PCDHGB3: variants seen among roughly 807,000 people sequenced by gnomAD.
PCDHGB3 encodes protocadherin gamma-B3.
In PCDHGB3, 40 loss-of-function variants were observed where a neutral mutation model predicts 59.2. That is an observed-to-expected ratio of 0.68 (90% CI 0.52 to 0.88). The LOEUF is 0.88. Ranked by LOEUF, PCDHGB3 falls within the 40% of genes least tolerant of loss-of-function variation. The pLI is 0.00. For synonymous variants in PCDHGB3, 581 were observed against 503.6 expected (o/e 1.15, Z -2.06); for missense variants, 1,309 against 1,187.9 (o/e 1.10, Z -1.50).
chr5:141,408,609 AG>A, intron 1 of PCDHGB3: 3 of 1,614,088 alleles, frequency 1.9e-6, no homozygotes, highest in Non-Finnish European at 1.7e-6. Context: ...TTTGATAAAA[AG>A]GAAATACATT....
chr5:141,383,400 C>G (rs999894916), intron 1 of PCDHGB3: 4 of 1,614,020 alleles, frequency 2.5e-6, no homozygotes, highest in Non-Finnish European at 1.7e-6. Context: ...CGAACTCCCT[C>G]CAGAGTTACC....
Position 141,383,339 on chromosome 5 carries a change from C to T in PCDHGB3, c.2415+10530C>T, listed in dbSNP as rs1244023518. ...AATGTAAAAATAATGGAGAATACAG[C>T]TCCTGGGGTTCGGTTTCCGTTAAGC... On this transcript the variant is annotated intron_variant, in intron 1 of 3. Transcript: ENST00000576222. The T allele has an allele frequency of 3.7e-6, 6 of 1,614,014 alleles. No homozygotes were observed. The highest frequency in any genetic ancestry group is 3.3e-5 in the Admixed American group (2 of 60,036).
rs1205836590 is a variant in PCDHGB3 at position 141,476,270 on chromosome 5, G to A, written c.2416-18537G>A. The A allele has an allele frequency of 6.2e-7, 1 of 1,614,088 alleles. No individual in the cohort carries two copies. Among genetic ancestry groups the A allele is most frequent in the Admixed American group, 1.7e-5 (1 of 60,026 alleles). Reference sequence around the variant, plus strand: ...GGGTTTCGCTGTGGGCAACGTGGTCGCGAACCTTGGTTTGGATCTCGGTAG... The same window carrying A: ...GGGTTTCGCTGTGGGCAACGTGGTCACGAACCTTGGTTTGGATCTCGGTAG... On this transcript the variant is annotated intron_variant, in intron 1 of 3. Transcript: ENST00000576222. The surrounding 1 kb of genome is among the most constrained non-coding windows in gnomAD (Gnocchi z 7.6).
intron 1 of PCDHGB3, chr5:141,409,177 T>C: frequency 3.1e-6 from 5 of 1,613,944 alleles, no homozygotes; most frequent in Non-Finnish European, 4.2e-6. Context: ...AGGACGGAGG[T>C]GGTCTCTCTA....
chr5:141,475,616 G>A (rs2099366026), intron 1 of PCDHGB3, among the ~76,000 whole-genome samples: 1 of 152,206 alleles, frequency 6.6e-6, no homozygotes, highest in Admixed American at 6.5e-5. Flanking sequence ...GTAGTTTTCG[G>A]TTTGGTTCGA....
chr5:141,484,277 G>T (rs1026083889), intron 1 of PCDHGB3, among the ~76,000 whole-genome samples: 1 of 152,126 alleles, frequency 6.6e-6, no homozygotes, highest in South Asian at 2.1e-4. Context: ...TTACTGTTTT[G>T]AAACATCTCC....
chr5:141,505,267 A>G (rs2099845018), intron 2 of PCDHGB3, 126 bp from the exon 3 acceptor site: 1 of 1,514,640 alleles, frequency 6.6e-7, no homozygotes, highest in Admixed American at 2.0e-5. Flanking sequence ...TACCTTGCTG[A>G]GAGAAACAGG....
chr5:141,382,777 C>T (rs1778426057), intron 1 of PCDHGB3: 3 of 822,272 alleles, frequency 3.6e-6, no homozygotes, highest in South Asian at 2.0e-5. Flanking sequence ...CTGCACTAAA[C>T]TCAAGCCTCT....
chr5:141,498,437 G>C (rs996627716), intron 2 of PCDHGB3, among the ~76,000 whole-genome samples: 1 of 152,170 alleles, frequency 6.6e-6, no homozygotes, highest in Non-Finnish European at 1.5e-5. Flanking sequence ...GGGATGAAGA[G>C]GAGAGGTTCC....
intron 1 of PCDHGB3, among the ~76,000 whole-genome samples, chr5:141,397,036 T>G (rs2093467467): frequency 2.0e-5 from 3 of 152,222 alleles, no homozygotes. Context: ...TGTCCACAAA[T>G]TTATGTAAAT....
chr5:141,395,341 G>C, intron 1 of PCDHGB3: 1 of 1,409,696 alleles, frequency 7.1e-7, no homozygotes. Context: ...AATTTTTAAG[G>C]TGTATCACAG....
chr5:141,438,789 G>C (rs970735448), intron 1 of PCDHGB3, among the ~76,000 whole-genome samples: 23 of 149,578 alleles, frequency 1.5e-4, no homozygotes, highest in African/African-American at 5.4e-4. Flanking sequence ...AGCCTCTCCA[G>C]TAGCTGGGAT....
chr5:141,509,308 C>G (rs943174290), intron 3 of PCDHGB3, among the ~76,000 whole-genome samples: 6 of 152,152 alleles, frequency 3.9e-5, no homozygotes, highest in African/African-American at 1.4e-4. Flanking sequence ...CAGAGGGAGG[C>G]TGGGAGAGAA....
intron 1 of PCDHGB3, chr5:141,400,589 A>G (rs771561940): frequency 4.4e-6 from 7 of 1,605,662 alleles, no homozygotes; most frequent in South Asian, 2.2e-5. Flanking sequence ...ACATGAAACT[A>G]TCGTACATTT....
In PCDHGB3 at chr5:141,489,911, G is replaced by A; in HGVS notation, c.2416-4896G>A. On this transcript the variant is annotated intron_variant, in intron 1 of 3. Transcript: ENST00000576222. The surrounding 1 kb of genome is among the most constrained non-coding windows in gnomAD (Gnocchi z 4.5). ...GATGGGGGGACCCCAGCCCGCTCAG[G>A]GACCACCCTTATCTCTGTCATCGTG... 3.7e-6 allele frequency: 6 copies of A among 1,614,198 alleles called. No individual in the cohort carries two copies. Among genetic ancestry groups the A allele is most frequent in the Non-Finnish European group, 5.1e-6 (6 of 1,180,042 alleles).
At chr5:141,478,862 C>A in intron 1 of PCDHGB3, 1 of 1,326,032 alleles carries the variant, frequency 7.5e-7, no homozygotes, top group Non-Finnish European at 1.0e-6. Context: ...AAGATCTCAG[C>A]GATCAGAGTT....
At chr5:141,390,066 G>A (rs2092035559) in intron 1 of PCDHGB3, 2 of 1,614,052 alleles carry the variant, frequency 1.2e-6, no homozygotes, top group East Asian at 2.2e-5. Flanking sequence ...CTTCCAGCCT[G>A]GTCTCTGTGT....
chr5:141,383,412 G>C (rs1417112594), intron 1 of PCDHGB3: 3 of 1,613,874 alleles, frequency 1.9e-6, no homozygotes, highest in East Asian at 2.2e-5. Context: ...AGAGTTACCA[G>C]CTCAGCCCCA....
chr5:141,397,012 A>C (rs944352237), intron 1 of PCDHGB3, among the ~76,000 whole-genome samples: 2 of 152,260 alleles, frequency 1.3e-5, no homozygotes, highest in African/African-American at 4.8e-5. Flanking sequence ...AATGGACTAA[A>C]GAAGGTTGAC....
Sources: allele counts gnomAD v4.1 joint callset (sites outside exome capture counted in the v4.1 genomes callset), GRCh38; gene constraint gnomAD v4.1.1; non-coding constraint Gnocchi (gnomAD v3.1); transcripts MANE v1.5; gene names NCBI Gene and HGNC (gene_info 2026-07-23, HGNC 2026-07-21).